The following NACC2 variants were observed in gnomAD, a reference collection of about 807,000 sequenced individuals.
The protein encoded by NACC2 is NACC family member 2, also known as nucleus accumbens-associated protein 2.
A neutral mutation model predicts 25.1 loss-of-function variants in NACC2; 8 were observed. The observed-to-expected ratio is 0.32, with a 90% CI of 0.19 to 0.57. The LOEUF (loss-of-function observed/expected upper bound fraction) is 0.57, where lower values mean the gene tolerates loss of function less well. Ranked by LOEUF, NACC2 falls within the 20% of genes least tolerant of loss-of-function variation. The pLI is 0.89. For synonymous variants in NACC2, 435 were observed against 294.7 expected, an observed-to-expected ratio of 1.48 and a Z score of -4.88; for missense variants, 644 against 650.2, an observed-to-expected ratio of 0.99 and a Z score of 0.10.
chr9:136,013,108 G>C lies in NACC2; in HGVS notation c.1255+91C>G, dbSNP rs1840137989. 13 of 1,118,660 alleles carry C rather than the reference G, an allele frequency of 1.2e-5. No individual in the cohort carries two copies. The South Asian group carries it at 1.9e-4, about 16-fold the overall frequency. The allele number at this position is 1,118,660 out of a possible 1,614,324, so 69.3% of individuals were successfully genotyped here. A position where few individuals can be genotyped will look rare whatever the true frequency, so the allele number is the denominator to read the frequency against. ...CAGGGACGGAAGCTGCAGGTGGCCG[G>C]GAGCACCCCCGCGGCCCACCCAGTC... On this transcript the variant is annotated intron_variant, in intron 5 of 5. Transcript: ENST00000277554. This position sits in a 1 kb window ranked among gnomAD's most constrained non-coding sequence, Gnocchi z 6.6.
chr9:136,083,015 C>T (rs1830340128), intron 1 of NACC2, among the ~76,000 whole-genome samples: 1 of 151,400 alleles, frequency 6.6e-6, no homozygotes, highest in Admixed American at 6.6e-5. Context: ...CCCCATTAGA[C>T]ATCTACACTC....
chr9:136,094,399 A>G (rs1196715392), intron 1 of NACC2, among the ~76,000 whole-genome samples: 3 of 151,908 alleles, frequency 2.0e-5, no homozygotes, highest in African/African-American at 7.3e-5. Context: ...GTGACCTCTG[A>G]CCTCCGACCC....
At chr9:136,042,024 T>A (rs1474584559) in intron 2 of NACC2, among the ~76,000 whole-genome samples, 1 of 152,154 alleles carries the variant, frequency 6.6e-6, no homozygotes, top group Non-Finnish European at 1.5e-5. Context: ...AGACAGAGTC[T>A]CACTCTGTGG....
At chr9:136,035,170 T>C (rs1840532769) in intron 2 of NACC2, among the ~76,000 whole-genome samples, 2 of 152,032 alleles carry the variant, frequency 1.3e-5, no homozygotes, top group South Asian at 4.2e-4. Context: ...CATCAATAAA[T>C]ACTAGAATTA....
intron 1 of NACC2, among the ~76,000 whole-genome samples, chr9:136,089,985 C>CA (rs11442793): frequency 0.14 from 19,147 of 139,312 alleles, 1,357 homozygotes; most frequent in Admixed American, 0.24. Flanking sequence ...GATTTATATC[C>CA]AAAAAAAAAA....
intron 1 of NACC2, among the ~76,000 whole-genome samples, chr9:136,059,499 C>T (rs1047244848): frequency 2.0e-5 from 3 of 152,228 alleles, no homozygotes; most frequent in Non-Finnish European, 4.4e-5. Flanking sequence ...AAACCCCACC[C>T]GGGCCGCCTC....
At chr9:136,032,859 T>C (rs1840494119) in intron 2 of NACC2, among the ~76,000 whole-genome samples, 1 of 151,768 alleles carries the variant, frequency 6.6e-6, no homozygotes, top group Admixed American at 6.6e-5. Flanking sequence ...CTATTAAAAA[T>C]ACAAAAAAAT....
At chr9:136,091,189 T>A (rs1177613462) in intron 1 of NACC2, among the ~76,000 whole-genome samples, 2 of 152,092 alleles carry the variant, frequency 1.3e-5, no homozygotes, top group Non-Finnish European at 1.5e-5. Flanking sequence ...TGGGATTCAG[T>A]GGCTTCACTG....
At chr9:136,040,785 C>T (rs1840615785) in intron 2 of NACC2, among the ~76,000 whole-genome samples, 1 of 152,104 alleles carries the variant, frequency 6.6e-6, no homozygotes, top group African/African-American at 2.4e-5. Context: ...CATGGTGAAA[C>T]CCTGTCTCTA....
chr9:136,061,243 G>A lies in NACC2; in HGVS notation c.-59-10663C>T, dbSNP rs559734403. ...TCGGGAGGGACAGGCCAGGACTCCT[G>A]ACACCCCAGCTGGAGTGGTCACCAA... is the stretch of plus-strand genomic sequence containing the variant. On this transcript the variant is annotated intron_variant, in intron 1 of 5. Transcript: ENST00000277554. Among the ~76,000 whole-genome samples the A allele has an allele frequency of 5.1e-4, 78 of 152,288 alleles. 1 individual carries two copies. Among genetic ancestry groups the A allele is most frequent in the African/African-American group, 1.9e-3 (78 of 41,578 alleles).
Position 136,013,872 on chromosome 9 carries a change from G to A in NACC2, c.1149C>T (p.Phe383=). 6.2e-7 allele frequency: 1 copy of A among 1,612,618 alleles called. No homozygotes were observed. The highest frequency in any genetic ancestry group is 2.2e-5 in the East Asian group (1 of 44,864). The change falls in exon 4 of 6, where the codon TTC becomes TTT. Residue 383 remains phenylalanine, a synonymous_variant. Transcript: ENST00000277554. This position sits in a 1 kb window ranked among gnomAD's most constrained non-coding sequence, Gnocchi z 6.6. ...CTCCTGCCCCGACCTACCTGTCAAAGAAGGTGGCCAGGAGCCTCCGCAGCA... is the reference window on the plus strand; with the variant it reads ...CTCCTGCCCCGACCTACCTGTCAAAAAAGGTGGCCAGGAGCCTCCGCAGCA... ...KVLLRRLLAT[F]FDRNTLANSC...
intron 1 of NACC2, among the ~76,000 whole-genome samples, chr9:136,068,499 CAAAAAAA>C (rs58780352): frequency 1.0e-5 from 1 of 100,094 alleles, no homozygotes; most frequent in Non-Finnish European, 1.9e-5. Context: ...AACTCCGTCT[CAAAAAAA>C]AAAAAAAAAA....
At chr9:136,068,181 C>T (rs1254397307) in intron 1 of NACC2, among the ~76,000 whole-genome samples, 1 of 152,100 alleles carries the variant, frequency 6.6e-6, no homozygotes, top group African/African-American at 2.4e-5. Flanking sequence ...ATTTAGGCTA[C>T]ACTACATTTA....
At chr9:136,054,244 G>A (rs1433139905) in intron 1 of NACC2, among the ~76,000 whole-genome samples, 1 of 152,218 alleles carries the variant, frequency 6.6e-6, no homozygotes, top group Admixed American at 6.5e-5. Flanking sequence ...AGGAGCTGGA[G>A]CCCCAGGGCT....
rs376340850 is a variant in NACC2, at chr9:136,016,250, G to A, written c.1051+15C>T. On this transcript the variant is annotated intron_variant, in intron 3 of 5. Transcript: ENST00000277554. ...GGACATTTGCATACAATAGATGGGT[G>A]GGAGGCAGCCTCACCTGCCACCAGC... 5.6e-6 allele frequency: 9 copies of A among 1,611,870 alleles called. No individual in the cohort carries two copies. The African/African-American group carries it at 1.1e-4, about 19-fold the overall frequency.
chr9:136,057,915 A>G (rs1222966338), intron 1 of NACC2, among the ~76,000 whole-genome samples: 1 of 152,072 alleles, frequency 6.6e-6, no homozygotes, highest in Non-Finnish European at 1.5e-5. Flanking sequence ...GCTGCTGGTC[A>G]CCCAGCCCAT....
chr9:136,072,405 C>A (rs565143254), intron 1 of NACC2, among the ~76,000 whole-genome samples: 1 of 152,050 alleles, frequency 6.6e-6, no homozygotes, highest in Non-Finnish European at 1.5e-5. Context: ...ATTAGCCGGG[C>A]GTGCTGGTGT....
intron 1 of NACC2, among the ~76,000 whole-genome samples, chr9:136,051,312 C>A (rs1364925356): frequency 6.6e-6 from 1 of 152,194 alleles, no homozygotes; most frequent in African/African-American, 2.4e-5. Context: ...CAAGCCGCCG[C>A]CAGGGCAGGA....
At chr9:136,026,934 A>C (rs1840401022) in intron 2 of NACC2, among the ~76,000 whole-genome samples, 1 of 152,224 alleles carries the variant, frequency 6.6e-6, no homozygotes, top group African/African-American at 2.4e-5. Context: ...TCCAGTAGAA[A>C]ATAACGTTTG....
Sources: allele counts gnomAD v4.1 joint callset (sites outside exome capture counted in the v4.1 genomes callset), GRCh38; gene constraint gnomAD v4.1.1; non-coding constraint Gnocchi (gnomAD v3.1); transcripts MANE v1.5; gene names NCBI Gene and HGNC (gene_info 2026-07-23, HGNC 2026-07-21).